The following SNAPC3 variants were observed in gnomAD, a reference collection of about 807,000 sequenced individuals.
SNAPC3 encodes small nuclear RNA activating complex polypeptide 3, also known as snRNA-activating protein complex subunit 3.
Under a neutral mutation model 47.7 loss-of-function variants are expected in SNAPC3, and 56 were observed. The ratio of observed to expected loss-of-function variants is 1.18; its 90% CI spans 0.95 to 1.47. SNAPC3 has a LOEUF of 1.47. Ranked by LOEUF, SNAPC3 falls within the 40% of genes most tolerant of loss-of-function variation. The pLI is 0.00. For missense variants in SNAPC3, 665 were observed against 511.3 expected, an observed-to-expected ratio of 1.30 and a Z score of -2.90; for synonymous variants, 235 against 189.9, an observed-to-expected ratio of 1.24 and a Z score of -1.95.
At chr9:15,433,294 T>G (rs1246157442) in intron 2 of SNAPC3, among the ~76,000 whole-genome samples, 2 of 151,868 alleles carry the variant, frequency 1.3e-5, no homozygotes, top group Non-Finnish European at 2.9e-5. Context: ...ACGAGTAAAT[T>G]AAAAATTGTG....
intron 7 of SNAPC3, among the ~76,000 whole-genome samples, chr9:15,454,379 A>G (rs539028151): frequency 6.6e-6 from 1 of 152,350 alleles, no homozygotes; most frequent in Admixed American, 6.5e-5. Context: ...GCTTCACAGA[A>G]AGTGTAAACC....
At chr9:15,445,428 T>C (rs1175557077) in intron 4 of SNAPC3, among the ~76,000 whole-genome samples, 1 of 152,160 alleles carries the variant, frequency 6.6e-6, no homozygotes, top group Non-Finnish European at 1.5e-5. Context: ...TCTTCTTTGA[T>C]GAAAATACAG....
chr9:15,446,756 G>T (rs1182391676), intron 4 of SNAPC3, among the ~76,000 whole-genome samples: 1 of 152,228 alleles, frequency 6.6e-6, no homozygotes, highest in South Asian at 2.1e-4. Flanking sequence ...TGGCTAGTTC[G>T]AACAATTCCA....
At chr9:15,447,801 C>T (rs912649277) in intron 5 of SNAPC3, among the ~76,000 whole-genome samples, 5 of 152,274 alleles carry the variant, frequency 3.3e-5, no homozygotes, top group Admixed American at 3.3e-4. Flanking sequence ...CCTTTCGCTG[C>T]CCAAGGACCA....
At chr9:15,427,016 TTATTA>T (rs80028837) in intron 2 of SNAPC3, among the ~76,000 whole-genome samples, 5,052 of 152,292 alleles carry the variant, frequency 0.033, 112 homozygotes, top group South Asian at 0.067. Flanking sequence ...TAATTTCACA[TTATTA>T]TATTATAAAA....
chr9:15,426,120 T>G (rs1423285285), intron 2 of SNAPC3, among the ~76,000 whole-genome samples: 1 of 152,124 alleles, frequency 6.6e-6, no homozygotes, highest in Non-Finnish European at 1.5e-5. Flanking sequence ...TCCCAAAGTG[T>G]TGGGATTACA....
At chr9:15,440,449 A>G (rs1465751316) in intron 3 of SNAPC3, among the ~76,000 whole-genome samples, 3 of 152,182 alleles carry the variant, frequency 2.0e-5, no homozygotes, top group Non-Finnish European at 4.4e-5. Context: ...AGTTTTGCCA[A>G]ATACAGAATT....
chr9:15,431,737 C>T (rs1357282177), intron 2 of SNAPC3, among the ~76,000 whole-genome samples: 1 of 152,036 alleles, frequency 6.6e-6, no homozygotes, highest in Non-Finnish European at 1.5e-5. Flanking sequence ...CAAATGTAAT[C>T]AGACAATTAA....
chr9:15,458,571 C>A (rs2034974344), intron 8 of SNAPC3, among the ~76,000 whole-genome samples: 1 of 152,100 alleles, frequency 6.6e-6, no homozygotes, highest in South Asian at 2.1e-4. Context: ...AACCACAGTA[C>A]ATCACATGAA....
intron 2 of SNAPC3, among the ~76,000 whole-genome samples, chr9:15,428,439 G>A (rs1194864749): frequency 6.6e-6 from 1 of 150,910 alleles, no homozygotes; most frequent in Non-Finnish European, 1.5e-5. Flanking sequence ...AACCTGGGAG[G>A]CGGAGCTTGC....
intron 2 of SNAPC3, among the ~76,000 whole-genome samples, chr9:15,431,581 A>C (rs1055194764): frequency 6.6e-6 from 1 of 151,480 alleles, no homozygotes; most frequent in East Asian, 1.9e-4. Flanking sequence ...ACAAACCAAA[A>C]CTATAGAGAC....
At chr9:15,441,987 C>T (rs530679885) in intron 3 of SNAPC3, among the ~76,000 whole-genome samples, 2 of 152,112 alleles carry the variant, frequency 1.3e-5, no homozygotes, top group Non-Finnish European at 2.9e-5. Context: ...GAGGCGCCCC[C>T]CCACCTCCCG....
intron 3 of SNAPC3, among the ~76,000 whole-genome samples, chr9:15,442,390 C>T (rs1391409589): frequency 6.7e-6 from 1 of 149,558 alleles, no homozygotes; most frequent in Non-Finnish European, 1.5e-5. Context: ...AGCTGCTGGG[C>T]GGAGGGGCTC....
rs140555350 is a variant in SNAPC3 at position 15,437,380 on chromosome 9, C to G, written c.477+3744C>G. On this transcript the variant is annotated intron_variant, in intron 3 of 8. Transcript: ENST00000380821. ...CCTGAGTAGCTGGGACTACAGGCGC[C>G]CATCACAATGCCTGGCTACTTTTTG... 2.0e-3 allele frequency among the ~76,000 whole-genome samples: 302 copies of G among 152,078 alleles called. 1 individual carries two copies. The highest frequency in any genetic ancestry group is 0.01 in the Middle Eastern group (3 of 294).
At chr9:15,423,782 C>T in intron 1 of SNAPC3, 127 bp from the exon 2 acceptor site, 3 of 496,378 alleles carry the variant, frequency 6.0e-6, no homozygotes, top group South Asian at 4.0e-5. Flanking sequence ...GTTCTGGCCT[C>T]TCTGAGCCGC....
chr9:15,435,842 TTC>T lies in SNAPC3; in HGVS notation c.477+2208_477+2209del, dbSNP rs1334579982. Among the ~76,000 whole-genome samples, 8 of 48,428 alleles carry T rather than the reference TTC, an allele frequency of 1.7e-4. No homozygotes were observed. The East Asian group carries it at 3.0e-3, about 18-fold the overall frequency. 31.8% of individuals were successfully genotyped at this position (48,428 alleles called of 152,430 possible). On this transcript the variant is annotated intron_variant, in intron 3 of 8. Transcript: ENST00000380821. ...ATGTTGTCTTTTTACTTACTTTTCT[TTC>T]TTTTTTTTTTTTTTTTGAGACAGAG...
chr9:15,451,812 A>G (rs1366725841), intron 6 of SNAPC3, among the ~76,000 whole-genome samples: 1 of 152,148 alleles, frequency 6.6e-6, no homozygotes, highest in South Asian at 2.1e-4. Flanking sequence ...CCTATCCAGC[A>G]TATACTATTG....
At chr9:15,445,992 C>G (rs1318858443) in intron 4 of SNAPC3, among the ~76,000 whole-genome samples, 1 of 152,120 alleles carries the variant, frequency 6.6e-6, no homozygotes, top group African/African-American at 2.4e-5. Context: ...TAAAAAGAAA[C>G]CAAACCAAAG....
rs375887653 is a variant in SNAPC3, at chr9:15,437,301, T to C, written c.477+3665T>C. Among the ~76,000 whole-genome samples, 7 of 152,082 alleles carry C rather than the reference T, an allele frequency of 4.6e-5. No homozygotes were observed. In the East Asian group the frequency reaches 9.7e-4, roughly 21 times the overall value. ...CAGGCTGAGTGCAGTGGCACAATCT[T>C]GGCTCACTGCAACTTCCGCCTCCCG... On this transcript the variant is annotated intron_variant, in intron 3 of 8. Coordinates refer to ENST00000380821, the MANE Select transcript of SNAPC3 (RefSeq NM_001039697.2).
Sources: allele counts gnomAD v4.1 joint callset (sites outside exome capture counted in the v4.1 genomes callset), GRCh38; gene constraint gnomAD v4.1.1; transcripts MANE v1.5; gene names NCBI Gene and HGNC (gene_info 2026-07-23, HGNC 2026-07-21).